Variants in NKAIN2 observed in about 807,000 individuals in gnomAD.
The protein encoded by NKAIN2 is sodium/potassium-transporting ATPase subunit beta-1-interacting protein 2.
A neutral mutation model predicts 32.6 loss-of-function variants in NKAIN2; 14 were observed. The observed-to-expected ratio is 0.43, with a 90% CI of 0.28 to 0.67. The LOEUF is 0.67. NKAIN2 is among the 30% of genes least tolerant of loss of function. The pLI is 0.17. For missense variants in NKAIN2, 198 were observed against 258.3 expected (o/e 0.77, Z 1.60); for synonymous variants, 80 against 87.2 (o/e 0.92, Z 0.46).
At chr6:124,797,208 A>G (rs1780040930) in intron 5 of NKAIN2, among the ~76,000 whole-genome samples, 1 of 149,840 alleles carries the variant, frequency 6.7e-6, no homozygotes, top group Non-Finnish European at 1.5e-5. Flanking sequence ...ATGACTTCTC[A>G]ATTTTTATTA....
At chr6:124,162,140 A>G (rs1033872570) in intron 1 of NKAIN2, among the ~76,000 whole-genome samples, 2 of 152,108 alleles carry the variant, frequency 1.3e-5, no homozygotes, top group African/African-American at 4.8e-5. Context: ...CAGGCAGGTC[A>G]GGTAGTTCTT....
chr6:124,471,199 T>TA (rs1776958768), intron 3 of NKAIN2, among the ~76,000 whole-genome samples: 1 of 152,178 alleles, frequency 6.6e-6, no homozygotes, highest in Non-Finnish European at 1.5e-5. Flanking sequence ...GTCATTTATA[T>TA]CCTTCCTTTC....
chr6:124,663,384 T>G (rs563174651), intron 4 of NKAIN2, among the ~76,000 whole-genome samples: 73 of 151,882 alleles, frequency 4.8e-4, no homozygotes, highest in South Asian at 1.9e-3. Flanking sequence ...TGAGCCGAGA[T>G]CATGCTACTG....
intron 4 of NKAIN2, among the ~76,000 whole-genome samples, chr6:124,662,925 T>C (rs1389629423): frequency 6.6e-6 from 1 of 152,204 alleles, no homozygotes; most frequent in Non-Finnish European, 1.5e-5. Context: ...TAAATCTAAG[T>C]TGTGAACTTG....
At chr6:124,305,875 C>T (rs1583022795) in intron 2 of NKAIN2, among the ~76,000 whole-genome samples, 2 of 152,116 alleles carry the variant, frequency 1.3e-5, no homozygotes, top group East Asian at 3.9e-4. Flanking sequence ...GCTCTGCTGT[C>T]TCTCATTATT....
rs1386747555 is a variant in NKAIN2 at position 124,216,132 on chromosome 6, A to G, written c.55-66873A>G. On this transcript the variant is annotated intron_variant, in intron 1 of 6. Coordinates refer to ENST00000368417, the MANE Select transcript of NKAIN2 (RefSeq NM_001040214.3). ...AACTCTGTCTCAAAAAAAAAAAAAA[A>G]AAAATAGTCCACAGACCACACACTC... Among the ~76,000 whole-genome samples, 5 of 151,940 alleles carry G rather than the reference A, an allele frequency of 3.3e-5. No homozygotes were observed. The East Asian group carries it at 9.7e-4, about 29-fold the overall frequency.
At chr6:124,708,676 G>A (rs1041846628) in intron 4 of NKAIN2, among the ~76,000 whole-genome samples, 1 of 151,940 alleles carries the variant, frequency 6.6e-6, no homozygotes, top group Admixed American at 6.6e-5. Flanking sequence ...TGTGATTTTT[G>A]TACATTGATT....
intron 3 of NKAIN2, among the ~76,000 whole-genome samples, chr6:124,563,882 G>A (rs1009113589): frequency 1.3e-5 from 2 of 151,122 alleles, no homozygotes; most frequent in Non-Finnish European, 2.9e-5. Context: ...GGGACAGGGT[G>A]TATCATCACA....
intron 1 of NKAIN2, among the ~76,000 whole-genome samples, chr6:124,156,708 A>G (rs1433846326): frequency 6.6e-6 from 1 of 152,160 alleles, no homozygotes; most frequent in Non-Finnish European, 1.5e-5. Flanking sequence ...ATCTCGCTTT[A>G]TATTTTTAAA....
At chr6:123,957,607 A>G (rs1777654804) in intron 1 of NKAIN2, among the ~76,000 whole-genome samples, 1 of 152,190 alleles carries the variant, frequency 6.6e-6, no homozygotes, top group Admixed American at 6.5e-5. Context: ...CTCAACCGCC[A>G]GCTCTTATTT....
chr6:124,557,311 A>T (rs1454231885), intron 3 of NKAIN2, among the ~76,000 whole-genome samples: 1 of 152,334 alleles, frequency 6.6e-6, no homozygotes, highest in Non-Finnish European at 1.5e-5. Context: ...AGTACAAAAA[A>T]GTAGAGATTT....
At chr6:124,082,127 C>A (rs1230621562) in intron 1 of NKAIN2, among the ~76,000 whole-genome samples, 2 of 151,904 alleles carry the variant, frequency 1.3e-5, no homozygotes, top group Non-Finnish European at 2.9e-5. Context: ...ATGATGGAAA[C>A]CATAGCATGG....
chr6:124,192,969 T>G (rs1330150889), intron 1 of NKAIN2, among the ~76,000 whole-genome samples: 1 of 152,118 alleles, frequency 6.6e-6, no homozygotes, highest in Non-Finnish European at 1.5e-5. Context: ...CAGGATGGTC[T>G]CGACCTCCTG....
chr6:124,118,340 A>G (rs924772001), intron 1 of NKAIN2, among the ~76,000 whole-genome samples: 4 of 152,212 alleles, frequency 2.6e-5, no homozygotes, highest in Non-Finnish European at 4.4e-5. Context: ...AGCCGAGATT[A>G]AATTTAGAAA....
At chr6:124,655,247 C>G (rs1174277071) in intron 3 of NKAIN2, among the ~76,000 whole-genome samples, 3 of 152,070 alleles carry the variant, frequency 2.0e-5, no homozygotes, top group Non-Finnish European at 2.9e-5. Context: ...CCCATTGTGT[C>G]TCCATTATTA....
intron 1 of NKAIN2, among the ~76,000 whole-genome samples, chr6:124,185,682 T>C (rs1435898234): frequency 6.6e-6 from 1 of 152,162 alleles, no homozygotes; most frequent in African/African-American, 2.4e-5. Context: ...CAAATATACT[T>C]TTTATTTATT....
chr6:124,233,836 A>G (rs1792593188), intron 1 of NKAIN2, among the ~76,000 whole-genome samples: 1 of 152,208 alleles, frequency 6.6e-6, no homozygotes, highest in Non-Finnish European at 1.5e-5. Flanking sequence ...ATGCTAGGTT[A>G]TGTGTGATCA....
intron 1 of NKAIN2, among the ~76,000 whole-genome samples, chr6:123,973,721 C>A (rs1168596303): frequency 6.6e-6 from 1 of 151,954 alleles, no homozygotes; most frequent in Non-Finnish European, 1.5e-5. Flanking sequence ...TACTTTTGCA[C>A]CAACCTAAAT....
At chr6:124,556,012 T>C (rs1013838886) in intron 3 of NKAIN2, among the ~76,000 whole-genome samples, 1 of 148,538 alleles carries the variant, frequency 6.7e-6, no homozygotes, top group Non-Finnish European at 1.5e-5. Flanking sequence ...CTTTTATCAA[T>C]AGAAAAGCCA....
Sources: allele counts gnomAD v4.1 joint callset (sites outside exome capture counted in the v4.1 genomes callset), GRCh38; gene constraint gnomAD v4.1.1; transcripts MANE v1.5; gene names NCBI Gene and HGNC (gene_info 2026-07-23, HGNC 2026-07-21).